The following MAST2 variants were observed in gnomAD, a reference collection of about 807,000 sequenced individuals.
MAST2 encodes the protein microtubule associated serine/threonine kinase 2.
A neutral mutation model predicts 147.4 loss-of-function variants in MAST2; 70 were observed. The observed-to-expected ratio is 0.47, with a 90% CI of 0.39 to 0.58. The LOEUF is 0.58. Among genes scored for constraint, MAST2 ranks in the 20% least tolerant of loss-of-function variants. The pLI, the probability that MAST2 is intolerant of heterozygous loss-of-function variation, is 0.00. For synonymous variants in MAST2, 869 were observed against 896.8 expected (o/e 0.97, Z 0.55); for missense variants, 2,080 against 2,302.3 (o/e 0.90, Z 1.98).
chr1:46,002,465 G>C lies in MAST2; in HGVS notation c.669-340G>C, dbSNP rs554203788. Among the ~76,000 whole-genome samples the C allele has an allele frequency of 3.3e-5, 5 of 152,292 alleles. No individual in the cohort carries two copies. In the East Asian group the frequency reaches 9.6e-4, roughly 29 times the overall value. ...TTCAGTGGCAGTTCTATCTTGTAAT[G>C]TTGCCTATAGCTGGAATCCTCTGTC... On this transcript the variant is annotated intron_variant, in intron 6 of 28. Coordinates refer to ENST00000361297, the MANE Select transcript of MAST2 (RefSeq NM_015112.3).
intron 4 of MAST2, among the ~76,000 whole-genome samples, chr1:45,885,210 T>A (rs569865137): frequency 2.0e-5 from 3 of 152,312 alleles, no homozygotes; most frequent in Non-Finnish European, 4.4e-5. Context: ...GGGGGCATCA[T>A]ATTTGTGTCC....
chr1:46,006,550 G>A (rs1285830830), intron 8 of MAST2, 155 bp downstream of exon 8: 2 of 524,390 alleles, frequency 3.8e-6, no homozygotes, highest in Non-Finnish European at 6.1e-6. Flanking sequence ...CAACTCTGCT[G>A]TTGTAGTATG....
At chr1:45,838,081 C>A (rs369971438) in intron 3 of MAST2, among the ~76,000 whole-genome samples, 8 of 151,768 alleles carry the variant, frequency 5.3e-5, no homozygotes, top group East Asian at 3.9e-4. Context: ...ACCCGGCTAT[C>A]ATTTTTTAAA....
chr1:45,836,945 A>G (rs1161124196), intron 3 of MAST2, among the ~76,000 whole-genome samples: 1 of 152,212 alleles, frequency 6.6e-6, no homozygotes, highest in African/African-American at 2.4e-5. Flanking sequence ...ACCTCAGATC[A>G]TCAGGCATTA....
intron 10 of MAST2, among the ~76,000 whole-genome samples, chr1:46,011,605 C>T (rs1645717957): frequency 6.6e-6 from 1 of 152,188 alleles, no homozygotes; most frequent in African/African-American, 2.4e-5. Context: ...ACAGCGGCTC[C>T]ATGTTATCCA....
At chr1:45,983,075 T>C (rs1285044432) in intron 5 of MAST2, among the ~76,000 whole-genome samples, 1 of 152,180 alleles carries the variant, frequency 6.6e-6, no homozygotes, top group Non-Finnish European at 1.5e-5. Context: ...TATATAGTGG[T>C]CTGTTTTTTG....
intron 12 of MAST2, among the ~76,000 whole-genome samples, 190 bp downstream of exon 12, chr1:46,022,272 A>G (rs1166970971): frequency 6.6e-6 from 1 of 152,228 alleles, no homozygotes; most frequent in African/African-American, 2.4e-5. Flanking sequence ...TGCTGTTCAC[A>G]TCTGCCTGAT....
chr1:46,029,585 A>G lies in MAST2; in HGVS notation c.2320+18A>G. On this transcript the variant is annotated intron_variant, in intron 19 of 28. Coordinates refer to ENST00000361297, the MANE Select transcript of MAST2 (RefSeq NM_015112.3). ...TGGCACAGGTAGGGCAGGCCCTGCT[A>G]ACTTTTCTCACTACTTGGAAAAGGG... The G allele has an allele frequency of 6.2e-7, 1 of 1,607,540 alleles. No individual in the cohort carries two copies. The highest frequency in any genetic ancestry group is 8.5e-7 in the Non-Finnish European group (1 of 1,175,562).
intron 12 of MAST2, 152 bp from the exon 13 acceptor site, chr1:46,022,758 T>C (rs1448383579): frequency 3.1e-6 from 2 of 638,808 alleles, no homozygotes; most frequent in East Asian, 2.7e-5. Context: ...TGGGACTACA[T>C]TGGGTATAGT....
In MAST2 at chr1:46,033,775, G is replaced by T. The variant is rs759398130; in HGVS notation, c.3538-27G>T. On this transcript the variant is annotated intron_variant, in intron 26 of 28. Coordinates refer to ENST00000361297, the MANE Select transcript of MAST2 (RefSeq NM_015112.3). ...GGGGCAAGAATATGGCTCCAGCTTA[G>T]CCTAGGCCTCATGCTCTGCTCCCCA... The T allele has an allele frequency of 5.0e-6, 8 of 1,611,926 alleles. No individual in the cohort carries two copies. The African/African-American group carries it at 1.1e-4, about 22-fold the overall frequency.
chr1:46,030,293 G>C, intron 21 of MAST2, 55 bp downstream of exon 21: 1 of 1,553,746 alleles, frequency 6.4e-7, no homozygotes, highest in Non-Finnish European at 8.8e-7. Context: ...CAGAAGAAGA[G>C]GGCCTGTCAA....
At chr1:45,884,364 A>G (rs1265941436) in intron 4 of MAST2, among the ~76,000 whole-genome samples, 2 of 152,090 alleles carry the variant, frequency 1.3e-5, no homozygotes, top group Non-Finnish European at 2.9e-5. Flanking sequence ...CCTGACCAAT[A>G]TGGTAAAACC....
chr1:45,877,432 A>C (rs552207230), intron 3 of MAST2, among the ~76,000 whole-genome samples: 1 of 152,212 alleles, frequency 6.6e-6, no homozygotes, highest in East Asian at 1.9e-4. Context: ...ACAAGAGAGA[A>C]GGCCTCATGA....
At chr1:45,932,478 AGCCTG>A (rs1254021732) in intron 4 of MAST2, among the ~76,000 whole-genome samples, 2 of 152,174 alleles carry the variant, frequency 1.3e-5, no homozygotes, top group African/African-American at 2.4e-5. Context: ...GTTCAAGACC[AGCCTG>A]GCCAACGTGG....
intron 3 of MAST2, among the ~76,000 whole-genome samples, chr1:45,856,231 G>C (rs997789028): frequency 2.0e-5 from 3 of 152,124 alleles, no homozygotes; most frequent in Admixed American, 2.0e-4. Context: ...AGGCTGAGGT[G>C]GGGGGATTGC....
At chr1:45,897,976 G>A (rs1009580148) in intron 4 of MAST2, among the ~76,000 whole-genome samples, 4 of 151,992 alleles carry the variant, frequency 2.6e-5, no homozygotes, top group African/African-American at 7.2e-5. Context: ...GGGCATGGTG[G>A]TGCATGCCTG....
chr1:45,901,650 T>C (rs890128613), intron 4 of MAST2, among the ~76,000 whole-genome samples: 1 of 152,214 alleles, frequency 6.6e-6, no homozygotes, highest in African/African-American at 2.4e-5. Context: ...GTGTTGTCTG[T>C]GATTTCTTTC....
chr1:45,986,531 A>C (rs1261963255), intron 5 of MAST2, among the ~76,000 whole-genome samples: 1 of 152,094 alleles, frequency 6.6e-6, no homozygotes, highest in Non-Finnish European at 1.5e-5. Context: ...ATCCTAGCTA[A>C]CACAGTGAAA....
intron 4 of MAST2, among the ~76,000 whole-genome samples, chr1:45,885,947 G>A (rs1014498488): frequency 2.6e-5 from 4 of 152,036 alleles, no homozygotes; most frequent in African/African-American, 9.7e-5. Flanking sequence ...GTGGGGGTGA[G>A]GGTTTAAATT....
Sources: allele counts gnomAD v4.1 joint callset (sites outside exome capture counted in the v4.1 genomes callset), GRCh38; gene constraint gnomAD v4.1.1; transcripts MANE v1.5; gene names NCBI Gene and HGNC (gene_info 2026-07-23, HGNC 2026-07-21).